PCDH15: variants seen among roughly 807,000 people sequenced by gnomAD.
The protein encoded by PCDH15 is protocadherin-15.
PCDH15 carries 129 observed loss-of-function variants against 178.5 expected under a neutral mutation model. The ratio of observed to expected loss-of-function variants is 0.72; its 90% CI spans 0.63 to 0.84. The LOEUF (loss-of-function observed/expected upper bound fraction) is 0.84. Ranked by LOEUF, PCDH15 falls within the 40% of genes least tolerant of loss-of-function variation. The pLI is 0.00. For missense variants in PCDH15, 2,230 were observed against 2,099.9 expected (o/e 1.06, Z -1.21); for synonymous variants, 800 against 732.0 (o/e 1.09, Z -1.50).
intron 25 of PCDH15, among the ~76,000 whole-genome samples, chr10:53,926,997 T>A (rs1028489043): frequency 3.9e-5 from 6 of 152,160 alleles, no homozygotes; most frequent in African/African-American, 1.2e-4. Flanking sequence ...ATTATCTCTG[T>A]AGCACAAAAA....
Position 54,078,126 on chromosome 10 carries a change from CT to C in PCDH15, c.2091+1204del, listed in dbSNP as rs2094374206. On this transcript the variant is annotated intron_variant, in intron 17 of 37. Coordinates refer to ENST00000644397, the MANE Select transcript of PCDH15 (RefSeq NM_001384140.1). Reference sequence around the variant, plus strand: ...AAAAATTAGCCATAGGTTTTATTTACTTTTCTATCATCTAAGTACCTATTAT... The same window carrying C: ...AAAAATTAGCCATAGGTTTTATTTACTTTCTATCATCTAAGTACCTATTAT... Among the ~76,000 whole-genome samples, 4 of 152,144 alleles carry C rather than the reference CT, an allele frequency of 2.6e-5. No individual in the cohort carries two copies. The South Asian group carries it at 8.3e-4, about 32-fold the overall frequency.
intron 13 of PCDH15, among the ~76,000 whole-genome samples, chr10:54,167,133 G>T (rs2046315788): frequency 1.3e-5 from 2 of 152,124 alleles, no homozygotes; most frequent in African/African-American, 4.8e-5. Flanking sequence ...ATGAAATTTG[G>T]TGCCGTGACT....
chr10:55,362,402 T>A (rs1845252795), intron 2 of PCDH15, among the ~76,000 whole-genome samples: 1 of 152,126 alleles, frequency 6.6e-6, no homozygotes, highest in African/African-American at 2.4e-5. Context: ...TTCCTCAAGA[T>A]GTGTAGTGGA....
At chr10:54,603,536 C>T (rs551530624) in intron 2 of PCDH15, among the ~76,000 whole-genome samples, 1 of 150,122 alleles carries the variant, frequency 6.7e-6, no homozygotes, top group Non-Finnish European at 1.5e-5. Flanking sequence ...TATTAACAAA[C>T]AGAAGCCATG....
rs1554832765 is a variant in PCDH15 at position 53,855,904 on chromosome 10, G to GTGTATATATATATATATATATATATA, written c.3806+1270_3806+1271insTATATATATATATATATATATATACA. ...TAAAAGTTAAAAAAAAAGGTGATAT[G>GTGTATATATATATATATATATATATA]TATATATATATATATATGTATGTGT... On this transcript the variant is annotated intron_variant, in intron 28 of 37. Coordinates refer to ENST00000644397, the MANE Select transcript of PCDH15 (RefSeq NM_001384140.1). Among the ~76,000 whole-genome samples the GTGTATATATATATATATATATATATA allele has an allele frequency of 1.4e-4, 15 of 109,690 alleles. 1 individual carries two copies. The highest frequency in any genetic ancestry group is 5.3e-4 in the African/African-American group (14 of 26,472). 72.0% of individuals were successfully genotyped at this position (109,690 alleles called of 152,430 possible).
chr10:54,184,743 A>T (rs1422137555), intron 12 of PCDH15, among the ~76,000 whole-genome samples: 1 of 152,074 alleles, frequency 6.6e-6, no homozygotes, highest in Non-Finnish European at 1.5e-5. Context: ...TGGAGGGAAA[A>T]TTTATTCCCT....
At chr10:54,861,442 C>T (rs1047861053) in intron 3 of PCDH15, among the ~76,000 whole-genome samples, 1 of 152,052 alleles carries the variant, frequency 6.6e-6, no homozygotes, top group African/African-American at 2.4e-5. Flanking sequence ...CCTGAACAGA[C>T]CAATAGTGAG....
At chr10:54,312,061 A>G (rs1178559451) in intron 8 of PCDH15, among the ~76,000 whole-genome samples, 1 of 152,106 alleles carries the variant, frequency 6.6e-6, no homozygotes, top group Non-Finnish European at 1.5e-5. Context: ...GAATTCTTTC[A>G]AGAAAGGATC....
intron 3 of PCDH15, among the ~76,000 whole-genome samples, chr10:54,824,077 A>G (rs894331296): frequency 6.6e-6 from 1 of 152,188 alleles, no homozygotes; most frequent in African/African-American, 2.4e-5. Context: ...CAAACCTTAC[A>G]TCTTCTGTCT....
At chr10:54,663,264 C>A (rs1381988927) in intron 2 of PCDH15, among the ~76,000 whole-genome samples, 3 of 151,580 alleles carry the variant, frequency 2.0e-5, no homozygotes, top group African/African-American at 2.4e-5. Flanking sequence ...TTAAGAGCAA[C>A]CAGTTTGCTT....
intron 2 of PCDH15, among the ~76,000 whole-genome samples, chr10:55,117,611 A>G (rs1473601169): frequency 2.6e-5 from 4 of 152,144 alleles, no homozygotes; most frequent in Admixed American, 6.5e-5. Context: ...AGCCTGTCCC[A>G]CTATTTAGAC....
intron 1 of PCDH15, among the ~76,000 whole-genome samples, chr10:54,735,690 A>G (rs1944010805): frequency 8.3e-6 from 1 of 120,180 alleles, no homozygotes; most frequent in Non-Finnish European, 1.8e-5. Context: ...GCAGCCATAA[A>G]AAATGATGAG....
chr10:54,296,144 CAAAAAAAAAAAA>C (rs59721161), intron 8 of PCDH15, among the ~76,000 whole-genome samples: 6 of 48,236 alleles, frequency 1.2e-4, no homozygotes, highest in Non-Finnish European at 2.2e-4. Context: ...GACTCCGTCT[CAAAAAAAAAAAA>C]AAAAAAAAAA....
chr10:55,038,788 T>C (rs547010735), intron 2 of PCDH15, among the ~76,000 whole-genome samples: 1 of 152,256 alleles, frequency 6.6e-6, no homozygotes, highest in African/African-American at 2.4e-5. Context: ...ATCATCATAT[T>C]TCAAGGCTGG....
At chr10:54,591,357 A>G (rs1348732939) in intron 2 of PCDH15, among the ~76,000 whole-genome samples, 1 of 152,214 alleles carries the variant, frequency 6.6e-6, no homozygotes, top group Non-Finnish European at 1.5e-5. Flanking sequence ...ATGTGATTGT[A>G]GAAGAATGGC....
At position 54,734,942 on chromosome 10, in the gene PCDH15, G is replaced by A. The variant is rs1418330750; in HGVS notation, c.-29+65983C>T. 2.6e-5 allele frequency among the ~76,000 whole-genome samples: 4 copies of A among 151,868 alleles called. No homozygotes were observed. The South Asian group carries it at 8.3e-4, about 31-fold the overall frequency. On this transcript the variant is annotated intron_variant, in intron 1 of 37. Coordinates refer to ENST00000644397, the MANE Select transcript of PCDH15 (RefSeq NM_001384140.1). ...ACTATTTCAGTATCTTTATTGTGAT[G>A]GTGGTTACAAGACTACATGTTTGTC...
At chr10:54,619,261 A>G (rs1328596170) in intron 2 of PCDH15, 1 of 152,098 alleles carries the variant, frequency 6.6e-6, no homozygotes, top group African/African-American at 2.4e-5. Context: ...GAGATTTTAA[A>G]GAAGTCATCA....
intron 21 of PCDH15, among the ~76,000 whole-genome samples, chr10:53,964,852 G>A (rs2088822876): frequency 1.3e-5 from 2 of 152,086 alleles, no homozygotes; most frequent in Non-Finnish European, 2.9e-5. Context: ...ATTTGCTTGT[G>A]AAAGAGTGGG....
intron 18 of PCDH15, among the ~76,000 whole-genome samples, chr10:54,042,732 G>C (rs540708043): frequency 6.6e-6 from 1 of 152,144 alleles, no homozygotes; most frequent in Non-Finnish European, 1.5e-5. Flanking sequence ...CTAACACAAT[G>C]AGCATCCACT....
Sources: gnomAD v4.1 joint callset for allele counts (sites outside exome capture counted in the v4.1 genomes callset) on GRCh38, gnomAD v4.1.1 for gene constraint, MANE v1.5 for transcripts, NCBI Gene and HGNC (gene_info 2026-07-23, HGNC 2026-07-21) for gene names.